The following MMEL1 variants were observed in gnomAD, a reference collection of about 807,000 sequenced individuals.
The protein encoded by MMEL1 is membrane metallo-endopeptidase-like 1.
In MMEL1, 98 loss-of-function variants were observed where a neutral mutation model predicts 117.1. That is an observed-to-expected ratio of 0.84 (90% CI 0.71 to 0.99). The LOEUF (loss-of-function observed/expected upper bound fraction) is 0.99. Ranked by LOEUF, MMEL1 falls within the 50% of genes least tolerant of loss-of-function variation. The probability of loss-of-function intolerance (pLI) is 0.00; values close to 1 mark genes in which losing one functional copy is unlikely to be tolerated. For synonymous variants in MMEL1, 390 were observed against 415.1 expected (o/e 0.94, Z 0.74); for missense variants, 1,014 against 1,049.1 (o/e 0.97, Z 0.46).
At chr1:2,594,541 C>G (rs1444862409) in intron 17 of MMEL1, 98 bp from the exon 18 acceptor site, 1 of 1,395,638 alleles carries the variant, frequency 7.2e-7, no homozygotes, top group Non-Finnish European at 9.9e-7. Context: ...CTGGCCACAC[C>G]AGAGCAAGGG....
intron 6 of MMEL1, among the ~76,000 whole-genome samples, chr1:2,607,335 A>G (rs976833823): frequency 1.3e-5 from 2 of 152,022 alleles, no homozygotes; most frequent in Non-Finnish European, 2.9e-5. Flanking sequence ...AAAGCACATG[A>G]GCCCCGGGGG....
intron 13 of MMEL1, among the ~76,000 whole-genome samples, chr1:2,597,256 G>A (rs981439307): frequency 6.6e-6 from 1 of 152,034 alleles, no homozygotes; most frequent in East Asian, 1.9e-4. Context: ...GGAAAGGGAG[G>A]CAGCCCTTTC....
At chr1:2,606,398 G>T in intron 7 of MMEL1, 32 bp from the exon 8 acceptor site, 1 of 1,577,734 alleles carries the variant, frequency 6.3e-7, no homozygotes, top group Non-Finnish European at 8.7e-7. Context: ...CTGGAGACTG[G>T]CGGGCCCTGG....
rs1645139725 is a variant in MMEL1, at chr1:2,612,133, G to A, written c.226C>T (p.Pro76Ser). 4.4e-6 allele frequency: 7 copies of A among 1,578,288 alleles called. No homozygotes were observed. The Admixed American group carries it at 1.1e-4, about 25-fold the overall frequency. Residue 76 changes from proline (P) to serine (S), a missense_variant, in exon 3 of 24, where the codon CCC becomes TCC. Transcript: ENST00000378412. The surrounding 1 kb of genome is among the most constrained non-coding windows in gnomAD (Gnocchi z 5.4). The stretch of plus-strand genomic sequence containing the variant: ...AAGGGAAGGCAAAGGCTACCTCGGG[G>A]TTTTCGTTTTACAAAGGTCCTCTCC... ...QEERTFVKRK[P>S]RGIPEAQEVS...
At position 2,595,922 on chromosome 1, in the gene MMEL1, G is replaced by A. The variant is rs1206264341; in HGVS notation, c.1500+87C>T. ...CGCCTCCCGGGGCTGCCTTCTCCCC[G>A]TGGGGACCGTCAGGAGGCTTTGTCG... On this transcript the variant is annotated intron_variant, in intron 15 of 23. Coordinates refer to ENST00000378412, the MANE Select transcript of MMEL1 (RefSeq NM_033467.4). The surrounding 1 kb of genome is among the most constrained non-coding windows in gnomAD (Gnocchi z 4.8). The A allele has an allele frequency of 3.8e-5, 45 of 1,183,110 alleles. No homozygotes were observed. The East Asian group carries it at 8.0e-4, about 21-fold the overall frequency. The allele number at this position is 1,183,110 out of a possible 1,614,324, so 73.3% of individuals were successfully genotyped here. A position where few individuals can be genotyped will look rare whatever the true frequency, so the allele number is the denominator to read the frequency against.
chr1:2,611,332 C>T lies in MMEL1; in HGVS notation c.241G>A (p.Glu81Lys), dbSNP rs1430274347. 6 of 1,541,788 alleles carry T rather than the reference C, an allele frequency of 3.9e-6. No individual in the cohort carries two copies. The African/African-American group carries it at 7.0e-5, about 18-fold the overall frequency. ...FVKRKPRGIP[E>K]AQEVSEVCTT... ...CAGACCTCGCTCACCTCTTGGGCCT[C>T]TGGGATCCCTGCGGGCAAGGAGCAG... Residue 81 changes from glutamate to lysine, a missense_variant, in exon 4 of 24, where the codon GAG becomes AAG. Coordinates refer to ENST00000378412, the MANE Select transcript of MMEL1 (RefSeq NM_033467.4).
At chr1:2,610,353 T>A (rs1266377783) in intron 4 of MMEL1, among the ~76,000 whole-genome samples, 2 of 152,182 alleles carry the variant, frequency 1.3e-5, no homozygotes, top group Non-Finnish European at 2.9e-5. Context: ...ATTAACCACT[T>A]GATCTTGAAC....
intron 11 of MMEL1, among the ~76,000 whole-genome samples, chr1:2,600,720 CTGTT>C (rs1557529469): frequency 6.6e-6 from 1 of 151,570 alleles, no homozygotes; most frequent in East Asian, 1.9e-4. Context: ...CCCAACCCCC[CTGTT>C]TTTTTACAAA....
intron 5 of MMEL1, 88 bp downstream of exon 5, chr1:2,609,582 A>G (rs1645093252): frequency 2.6e-6 from 4 of 1,545,716 alleles, no homozygotes; most frequent in Non-Finnish European, 3.5e-6. Context: ...AAGCACAAAC[A>G]GGGGCGAGAC....
rs56305550 is a variant in MMEL1 at position 2,595,132 on chromosome 1, G to A, written c.1584+144C>T. Reference sequence around the variant, plus strand: ...CATCTGTACACTGAGGGTAGTGCTGGAGCCACCACCCTAGGGCACGGTGAG... The same window carrying A: ...CATCTGTACACTGAGGGTAGTGCTGAAGCCACCACCCTAGGGCACGGTGAG... On this transcript the variant is annotated intron_variant, in intron 16 of 23. Coordinates refer to ENST00000378412, the MANE Select transcript of MMEL1 (RefSeq NM_033467.4). The surrounding 1 kb of genome is among the most constrained non-coding windows in gnomAD (Gnocchi z 4.8). The A allele has an allele frequency of 0.13, 98,522 of 756,274 alleles. 7,419 individuals carry two copies. Among genetic ancestry groups the A allele is most frequent in the Non-Finnish European group, 0.16 (70,575 of 454,574 alleles). The allele number at this position is 756,274 out of a possible 1,614,324, so 46.8% of individuals were successfully genotyped here. A position where few individuals can be genotyped will look rare whatever the true frequency, so the allele number is the denominator to read the frequency against.
At position 2,592,794 on chromosome 1, in the gene MMEL1, C is replaced by T. The variant is rs368997427; in HGVS notation, c.2001+39G>A. ...TCCCTCAGGGCCAGGGCTGGGGCTC[C>T]GGTACCCCCGCAGCCTGGGTGCTGG... On this transcript the variant is annotated intron_variant, in intron 20 of 23. Transcript: ENST00000378412. 5.7e-5 allele frequency: 92 copies of T among 1,611,880 alleles called. No individual in the cohort carries two copies. The African/African-American group carries it at 6.7e-4, about 12-fold the overall frequency.
At chr1:2,603,788 A>T in intron 11 of MMEL1, 96 bp downstream of exon 11, 2 of 1,107,252 alleles carry the variant, frequency 1.8e-6, no homozygotes, top group Non-Finnish European at 2.7e-6. Context: ...TTCTGAGCTT[A>T]AATGCCAGGC....
chr1:2,616,170 A>G (rs117642543), intron 2 of MMEL1, among the ~76,000 whole-genome samples: 2,094 of 152,152 alleles, frequency 0.014, 23 homozygotes, highest in Admixed American at 0.024. Flanking sequence ...CCTTACCTCT[A>G]TAAAAAAATT....
In MMEL1 at chr1:2,595,220, T is replaced by C. The variant is rs1034228259; in HGVS notation, c.1584+56A>G. 1.3e-6 allele frequency: 2 copies of C among 1,505,166 alleles called. No individual in the cohort carries two copies. The highest frequency in any genetic ancestry group is 1.2e-5 in the South Asian group (1 of 86,786). 93.2% of individuals were successfully genotyped at this position (1,505,166 alleles called of 1,614,324 possible). On this transcript the variant is annotated intron_variant, in intron 16 of 23. Coordinates refer to ENST00000378412, the MANE Select transcript of MMEL1 (RefSeq NM_033467.4). This position sits in a 1 kb window ranked among gnomAD's most constrained non-coding sequence, Gnocchi z 4.8. ...TTGGCACAGAGGAGCCCCCAGGCAA[T>C]CAGGGCCCATGTCCACGGTGTGGGG...
intron 4 of MMEL1, 137 bp from the exon 5 acceptor site, chr1:2,609,968 G>A (rs1645101366): frequency 1.1e-6 from 1 of 950,990 alleles, no homozygotes; most frequent in South Asian, 1.7e-5. Flanking sequence ...GCAGCTGTGT[G>A]CCCAGGGAGA....
intron 2 of MMEL1, among the ~76,000 whole-genome samples, chr1:2,628,937 G>T (rs1199870289): frequency 1.3e-5 from 2 of 151,194 alleles, no homozygotes; most frequent in African/African-American, 4.9e-5. Flanking sequence ...CACGGACGCC[G>T]GTGGTCCCCA....
chr1:2,625,516 C>G (rs1638235382), intron 2 of MMEL1, among the ~76,000 whole-genome samples: 1 of 152,178 alleles, frequency 6.6e-6, no homozygotes, highest in Non-Finnish European at 1.5e-5. Context: ...CTGTTTGGAG[C>G]CTTTGGCAGG....
At chr1:2,608,733 CAT>C (rs1645072623) in intron 6 of MMEL1, among the ~76,000 whole-genome samples, 1 of 152,084 alleles carries the variant, frequency 6.6e-6, no homozygotes, top group Non-Finnish European at 1.5e-5. Context: ...ACACAATACA[CAT>C]GTGACATGCA....
In MMEL1 at chr1:2,601,126, A is replaced by C. The variant is rs180742579; in HGVS notation, c.1042-2336T>G. On this transcript the variant is annotated intron_variant, in intron 11 of 23. Transcript: ENST00000378412. The stretch of plus-strand genomic sequence containing the variant: ...GAAGGCAGATTTTAAGTTTTATGTG[A>C]AAATGCAAAGGACTGAGAATTATCA... Among the ~76,000 whole-genome samples, 33 of 152,356 alleles carry C rather than the reference A, an allele frequency of 2.2e-4. No homozygotes were observed. The East Asian group carries it at 6.2e-3, about 28-fold the overall frequency.
Sources: allele counts gnomAD v4.1 joint callset (sites outside exome capture counted in the v4.1 genomes callset), GRCh38; gene constraint gnomAD v4.1.1; non-coding constraint Gnocchi (gnomAD v3.1); transcripts MANE v1.5; gene names NCBI Gene and HGNC (gene_info 2026-07-23, HGNC 2026-07-21).